Variants in TAFA4 observed in about 807,000 individuals in gnomAD.
TAFA4 encodes the protein TAFA chemokine like family member 4.
A neutral mutation model predicts 21.1 loss-of-function variants in TAFA4; 20 were observed. The ratio of observed to expected loss-of-function variants is 0.95; its 90% CI spans 0.67 to 1.38. TAFA4 has a LOEUF of 1.38. Ranked by LOEUF, TAFA4 falls within the 40% of genes most tolerant of loss-of-function variation. The pLI, the probability that TAFA4 is intolerant of heterozygous loss-of-function variation, is 0.00. For synonymous variants in TAFA4, 71 were observed against 67.4 expected (o/e 1.05, Z -0.26); for missense variants, 211 against 180.9 (o/e 1.17, Z -0.95).
At chr3:68,900,742 AT>A (rs2106983564) in intron 1 of TAFA4, among the ~76,000 whole-genome samples, 1 of 152,320 alleles carries the variant, frequency 6.6e-6, no homozygotes, top group Admixed American at 6.5e-5. Context: ...TACTTGCTGA[AT>A]CAATGAATGG....
intron 3 of TAFA4, among the ~76,000 whole-genome samples, chr3:68,829,467 T>A (rs1264633954): frequency 6.6e-6 from 1 of 152,174 alleles, no homozygotes; most frequent in African/African-American, 2.4e-5. Context: ...TTGTCATCGG[T>A]TCTGTTTATG....
chr3:68,842,138 G>T (rs374286682), intron 3 of TAFA4, among the ~76,000 whole-genome samples: 1 of 152,180 alleles, frequency 6.6e-6, no homozygotes, highest in African/African-American at 2.4e-5. Context: ...TTCCACAGTA[G>T]TTGAACTAAT....
At chr3:68,766,761 C>A (rs942128116) in intron 3 of TAFA4, among the ~76,000 whole-genome samples, 2 of 151,100 alleles carry the variant, frequency 1.3e-5, no homozygotes, top group South Asian at 2.1e-4. Context: ...CCCAGAAACA[C>A]GGGATGAAGA....
intron 3 of TAFA4, among the ~76,000 whole-genome samples, chr3:68,775,927 G>GA (rs1168806825): frequency 6.6e-6 from 1 of 151,958 alleles, no homozygotes; most frequent in Non-Finnish European, 1.5e-5. Flanking sequence ...AAGAAAGCAA[G>GA]AAAAAATGAC....
intron 3 of TAFA4, among the ~76,000 whole-genome samples, chr3:68,849,154 C>T (rs184880612): frequency 1.3e-5 from 2 of 152,188 alleles, no homozygotes; most frequent in African/African-American, 4.8e-5. Flanking sequence ...CACATATTTC[C>T]TTCTTCTCAG....
chr3:68,917,404 G>A (rs1042144205), intron 1 of TAFA4, among the ~76,000 whole-genome samples: 5 of 152,066 alleles, frequency 3.3e-5, no homozygotes, highest in African/African-American at 1.2e-4. Flanking sequence ...CATCATCCAA[G>A]CTCAAAGCAG....
intron 3 of TAFA4, among the ~76,000 whole-genome samples, chr3:68,796,448 T>G (rs1209539838): frequency 6.6e-6 from 1 of 152,168 alleles, no homozygotes; most frequent in Admixed American, 6.5e-5. Flanking sequence ...TCCAAAAGAA[T>G]GTGGCAGGGT....
At chr3:68,738,145 C>T (rs1023464782) in intron 5 of TAFA4, among the ~76,000 whole-genome samples, 7 of 151,826 alleles carry the variant, frequency 4.6e-5, no homozygotes, top group South Asian at 2.1e-4. Context: ...AAGAAGTCCC[C>T]GAAAAAATGA....
chr3:68,825,915 G>A (rs1388225123), intron 3 of TAFA4, among the ~76,000 whole-genome samples: 1 of 152,168 alleles, frequency 6.6e-6, no homozygotes, highest in Non-Finnish European at 1.5e-5. Flanking sequence ...TTCAGGCAGA[G>A]AGCAACACTG....
chr3:68,767,187 T>C (rs1702871303), intron 3 of TAFA4, among the ~76,000 whole-genome samples: 1 of 152,150 alleles, frequency 6.6e-6, no homozygotes, highest in Non-Finnish European at 1.5e-5. Flanking sequence ...AACTTTTATT[T>C]TCATTAACAC....
At chr3:68,825,222 A>G (rs1295847471) in intron 3 of TAFA4, among the ~76,000 whole-genome samples, 2 of 152,098 alleles carry the variant, frequency 1.3e-5, no homozygotes, top group Non-Finnish European at 2.9e-5. Context: ...GAGAACATGC[A>G]GTGTTTGGTT....
chr3:68,755,170 T>G (rs773765248), intron 3 of TAFA4, among the ~76,000 whole-genome samples: 17 of 152,290 alleles, frequency 1.1e-4, no homozygotes, highest in Middle Eastern at 3.4e-3. Context: ...TCTATTTATA[T>G]CTCCCATCAC....
At chr3:68,813,393 T>C (rs1351673396) in intron 3 of TAFA4, among the ~76,000 whole-genome samples, 1 of 151,974 alleles carries the variant, frequency 6.6e-6, no homozygotes, top group African/African-American at 2.4e-5. Flanking sequence ...GCTGGTTTTT[T>C]GAAAAGAACA....
intron 3 of TAFA4, among the ~76,000 whole-genome samples, chr3:68,872,001 AAAAACT>A (rs2106938110): frequency 6.6e-6 from 1 of 152,290 alleles, no homozygotes; most frequent in South Asian, 2.1e-4. Context: ...GTGGTCCTTC[AAAAACT>A]AAAACTAAAA....
At chr3:68,809,891 T>G (rs912405038) in intron 3 of TAFA4, among the ~76,000 whole-genome samples, 2 of 152,210 alleles carry the variant, frequency 1.3e-5, no homozygotes, top group Non-Finnish European at 2.9e-5. Flanking sequence ...TGGATTTATT[T>G]CTGGGCACTT....
At chr3:68,811,007 T>A (rs989900016) in intron 3 of TAFA4, among the ~76,000 whole-genome samples, 4 of 152,184 alleles carry the variant, frequency 2.6e-5, no homozygotes, top group Non-Finnish European at 4.4e-5. Context: ...CAACATTTGC[T>A]GTTCACCAAT....
chr3:68,745,671 A>C (rs1366378304), intron 4 of TAFA4, among the ~76,000 whole-genome samples: 1 of 152,238 alleles, frequency 6.6e-6, no homozygotes, highest in African/African-American at 2.4e-5. Context: ...TCTATTGTAT[A>C]AAATGAGTTT....
intron 3 of TAFA4, among the ~76,000 whole-genome samples, chr3:68,852,600 A>C (rs1704975312): frequency 6.6e-6 from 1 of 152,166 alleles, no homozygotes; most frequent in South Asian, 2.1e-4. Flanking sequence ...TAGGGGGTGT[A>C]ATTTACCAGG....
At chr3:68,755,914 A>C (rs1229010722) in intron 3 of TAFA4, among the ~76,000 whole-genome samples, 2 of 152,204 alleles carry the variant, frequency 1.3e-5, no homozygotes, top group Non-Finnish European at 2.9e-5. Context: ...TCACATGTTC[A>C]TCATCTGTCC....
Sources: allele counts gnomAD v4.1 joint callset (sites outside exome capture counted in the v4.1 genomes callset), GRCh38; gene constraint gnomAD v4.1.1; transcripts MANE v1.5; gene names NCBI Gene and HGNC (gene_info 2026-07-23, HGNC 2026-07-21).